PTPRD: variants seen among roughly 807,000 people sequenced by gnomAD.
PTPRD encodes protein tyrosine phosphatase receptor type D, also known as receptor-type tyrosine-protein phosphatase delta.
PTPRD carries 34 observed loss-of-function variants against 214.5 expected under a neutral mutation model. The observed-to-expected ratio is 0.16, with a 90% confidence interval of 0.12 to 0.21. PTPRD has a LOEUF of 0.21. Ranked by LOEUF, PTPRD falls within the 10% of genes least tolerant of loss-of-function variation. The pLI is 1.00. For synonymous variants in PTPRD, 1,128 were observed against 845.7 expected (o/e 1.33, Z -5.79); for missense variants, 2,545 against 2,398.7 (o/e 1.06, Z -1.27).
intron 10 of PTPRD, among the ~76,000 whole-genome samples, chr9:9,085,772 CA>C (rs2099766209): frequency 6.6e-6 from 1 of 151,872 alleles, no homozygotes; most frequent in African/African-American, 2.4e-5. Flanking sequence ...ATATAAAGTC[CA>C]AATGTTTTAA....
chr9:9,486,580 T>A (rs1569568725), intron 8 of PTPRD, among the ~76,000 whole-genome samples: 4 of 152,090 alleles, frequency 2.6e-5, no homozygotes, highest in African/African-American at 9.7e-5. Context: ...TGCCCCTTCC[T>A]TCTCAAATGT....
At chr9:9,992,732 T>C (rs530692566) in intron 4 of PTPRD, among the ~76,000 whole-genome samples, 2 of 152,030 alleles carry the variant, frequency 1.3e-5, no homozygotes, top group South Asian at 2.1e-4. Flanking sequence ...TTCTCACTCA[T>C]TGGTGGGAGT....
chr9:8,964,090 TC>T (rs1588971643), intron 11 of PTPRD, among the ~76,000 whole-genome samples: 1 of 151,706 alleles, frequency 6.6e-6, no homozygotes, highest in African/African-American at 2.4e-5. Context: ...GAGTCCCTCC[TC>T]CTTGATTTCA....
At chr9:8,668,136 T>G (rs932697901) in intron 12 of PTPRD, among the ~76,000 whole-genome samples, 1 of 152,130 alleles carries the variant, frequency 6.6e-6, no homozygotes, top group Non-Finnish European at 1.5e-5. Context: ...GAAATTCCAG[T>G]GGTAACTGAC....
chr9:8,517,801 C>T (rs1258412579), intron 21 of PTPRD, 47 bp downstream of exon 21: 2 of 1,517,046 alleles, frequency 1.3e-6, no homozygotes, highest in South Asian at 2.4e-5. Flanking sequence ...CACCTCTTTG[C>T]ACCAGCCCTT....
At chr9:8,547,655 A>AAAAAAAGAG (rs1278258234) in intron 14 of PTPRD, among the ~76,000 whole-genome samples, 1 of 151,914 alleles carries the variant, frequency 6.6e-6, no homozygotes, top group Non-Finnish European at 1.5e-5. Flanking sequence ...AAAAAAAAAA[A>AAAAAAAGAG]AAAAAAGAGA....
At chr9:8,588,555 G>C (rs948219363) in intron 14 of PTPRD, among the ~76,000 whole-genome samples, 3 of 152,080 alleles carry the variant, frequency 2.0e-5, no homozygotes. Flanking sequence ...GTAAAAGTGT[G>C]CTTATAAATC....
intron 6 of PTPRD, among the ~76,000 whole-genome samples, chr9:9,760,926 A>G (rs2154475463): frequency 6.6e-6 from 1 of 152,340 alleles, no homozygotes; most frequent in South Asian, 2.1e-4. Context: ...ATACAGAGAA[A>G]TGAGCTAACT....
intron 11 of PTPRD, among the ~76,000 whole-genome samples, chr9:8,976,871 G>GT (rs909764549): frequency 4.6e-5 from 7 of 152,044 alleles, no homozygotes; most frequent in African/African-American, 1.7e-4. Context: ...AAAAGATGCT[G>GT]TTTTTTCTAC....
rs565770278 is a variant in PTPRD at position 9,894,673 on chromosome 9, A to G, written c.-368+43834T>C. 8.2e-4 allele frequency among the ~76,000 whole-genome samples: 124 copies of G among 152,136 alleles called. 1 individual carries two copies. The highest frequency in any genetic ancestry group is 1.4e-3 in the Non-Finnish European group (98 of 67,984). ...CCTAAGAACTTTCATAACAGTTACCATTTCACATATATTTGGGGGATGAGC... is the reference window on the plus strand; with the variant it reads ...CCTAAGAACTTTCATAACAGTTACCGTTTCACATATATTTGGGGGATGAGC... On this transcript the variant is annotated intron_variant, in intron 5 of 45. Transcript: ENST00000381196.
At chr9:8,924,714 G>A (rs530742129) in intron 11 of PTPRD, among the ~76,000 whole-genome samples, 5 of 151,984 alleles carry the variant, frequency 3.3e-5, no homozygotes, top group South Asian at 2.1e-4. Context: ...ACTCTGCAGC[G>A]CTGTCTCATC....
chr9:9,561,405 G>C (rs929024617), intron 8 of PTPRD, among the ~76,000 whole-genome samples: 82 of 152,136 alleles, frequency 5.4e-4, no homozygotes, highest in Non-Finnish European at 1.1e-3. Flanking sequence ...TTGCAACTGT[G>C]CCTCACGTAT....
chr9:8,389,583 T>G (rs558974547), intron 36 of PTPRD, among the ~76,000 whole-genome samples, 176 bp from the exon 37 acceptor site: 2 of 152,204 alleles, frequency 1.3e-5, no homozygotes, highest in East Asian at 3.9e-4. Context: ...AACCGTCATG[T>G]TAAAAAAAAG....
intron 3 of PTPRD, among the ~76,000 whole-genome samples, chr9:10,130,977 T>A (rs1177522458): frequency 3.9e-5 from 6 of 152,024 alleles, no homozygotes; most frequent in Admixed American, 3.3e-4. Context: ...AAAGAATAGA[T>A]CCCTAAAGCT....
At chr9:8,680,927 G>C (rs76892644) in intron 12 of PTPRD, among the ~76,000 whole-genome samples, 3 of 152,214 alleles carry the variant, frequency 2.0e-5, no homozygotes, top group Non-Finnish European at 4.4e-5. Context: ...AAGATATGCT[G>C]TGAAAGCAGC....
intron 2 of PTPRD, among the ~76,000 whole-genome samples, chr9:10,398,721 T>C (rs979301351): frequency 5.3e-5 from 8 of 152,034 alleles, no homozygotes; most frequent in East Asian, 1.9e-4. Flanking sequence ...ATAATAATGA[T>C]GATGATAAAA....
At chr9:8,988,757 T>C (rs887856947) in intron 11 of PTPRD, among the ~76,000 whole-genome samples, 1 of 152,084 alleles carries the variant, frequency 6.6e-6, no homozygotes, top group African/African-American at 2.4e-5. Context: ...TACACGAAGT[T>C]TGTTTTCATT....
chr9:8,863,987 C>G (rs1366800113), intron 11 of PTPRD, among the ~76,000 whole-genome samples: 10 of 152,154 alleles, frequency 6.6e-5, no homozygotes, highest in Non-Finnish European at 1.5e-5. Context: ...AAGAAGTCAC[C>G]AGAAAGCTAG....
At chr9:8,406,710 G>T (rs1016185858) in intron 35 of PTPRD, among the ~76,000 whole-genome samples, 2 of 152,198 alleles carry the variant, frequency 1.3e-5, no homozygotes, top group Middle Eastern at 3.2e-3. Context: ...TATATAACAT[G>T]AGAGTTAGAG....
Sources: gnomAD v4.1 joint callset for allele counts (sites outside exome capture counted in the v4.1 genomes callset) on GRCh38, gnomAD v4.1.1 for gene constraint, MANE v1.5 for transcripts, NCBI Gene and HGNC (gene_info 2026-07-23, HGNC 2026-07-21) for gene names.